WWTR1: variants seen among roughly 807,000 people sequenced by gnomAD.
The protein encoded by WWTR1 is WW domain containing transcription regulator 1, also known as WW domain-containing transcription regulator protein 1.
Under a neutral mutation model 40.1 loss-of-function variants are expected in WWTR1, and 13 were observed. The ratio of observed to expected loss-of-function variants is 0.32; its 90% confidence interval spans 0.21 to 0.52. WWTR1 has a LOEUF of 0.52. WWTR1 is among the 20% of genes least tolerant of loss of function. The pLI is 0.97. For missense variants in WWTR1, 436 were observed against 523.1 expected (o/e 0.83, Z 1.63); for synonymous variants, 230 against 210.1 (o/e 1.09, Z -0.82).
At chr3:149,719,011 A>G (rs1173741219) in intron 4 of WWTR1, among the ~76,000 whole-genome samples, 1 of 151,542 alleles carries the variant, frequency 6.6e-6, no homozygotes, top group African/African-American at 2.4e-5. Flanking sequence ...TTTTTGGTAG[A>G]GATGGGATTT....
chr3:149,643,160 C>T (rs192236881), intron 2 of WWTR1, among the ~76,000 whole-genome samples: 351 of 152,212 alleles, frequency 2.3e-3, no homozygotes, highest in Admixed American at 5.2e-3. Context: ...ACTGGCCTGG[C>T]GAACTTACTT....
chr3:149,523,085 A>C (rs57057434), intron 6 of WWTR1, among the ~76,000 whole-genome samples: 42,193 of 147,032 alleles, frequency 0.29, 6,713 homozygotes, highest in African/African-American at 0.45. Context: ...AAAAAAAATT[A>C]CTCTTATCCT....
At chr3:149,608,388 ATT>A (rs34313223) in intron 2 of WWTR1, among the ~76,000 whole-genome samples, 10 of 144,862 alleles carry the variant, frequency 6.9e-5, no homozygotes, top group Admixed American at 1.4e-4. Flanking sequence ...AAATATCTAA[ATT>A]TTTTTTTTTT....
intron 2 of WWTR1, among the ~76,000 whole-genome samples, chr3:149,641,513 A>C (rs1712169448): frequency 6.6e-6 from 1 of 152,202 alleles, no homozygotes; most frequent in Admixed American, 6.5e-5. Flanking sequence ...AATGGTTTTC[A>C]ACAATTAACT....
chr3:149,618,803 T>C (rs1740126804), intron 2 of WWTR1, among the ~76,000 whole-genome samples: 1 of 152,062 alleles, frequency 6.6e-6, no homozygotes, highest in Non-Finnish European at 1.5e-5. Flanking sequence ...CCTGGAAAGG[T>C]AAAGGAAGCT....
intron 2 of WWTR1, among the ~76,000 whole-genome samples, chr3:149,601,733 A>G (rs1419769098): frequency 6.6e-6 from 1 of 151,940 alleles, no homozygotes; most frequent in Non-Finnish European, 1.5e-5. Flanking sequence ...ACTTTTTAAA[A>G]TATTATATAA....
In WWTR1 at chr3:149,657,319, G is replaced by C; in HGVS notation, c.-3-10C>G. ...AGGCCGGATTCATCTTCTGCAAAAA[G>C]AAGGTCAGATCAGCCTTTTATTTAA... On this transcript the variant is annotated splice_polypyrimidine_tract_variant and intron_variant, in intron 1 of 6. Transcript: ENST00000360632. 6.2e-7 allele frequency: 1 copy of C among 1,603,386 alleles called. No individual in the cohort carries two copies. Among genetic ancestry groups the C allele is most frequent in the Non-Finnish European group, 8.5e-7 (1 of 1,174,248 alleles).
chr3:149,662,023 G>A (rs542591575), upstream of WWTR1, among the ~76,000 whole-genome samples: 6 of 152,076 alleles, frequency 3.9e-5, no homozygotes, highest in East Asian at 3.9e-4. Flanking sequence ...GAGCCACCTC[G>A]CCCGGCCAAA....
At chr3:149,546,370 G>A (rs1220074983) in intron 3 of WWTR1, among the ~76,000 whole-genome samples, 2 of 152,226 alleles carry the variant, frequency 1.3e-5, no homozygotes, top group Non-Finnish European at 2.9e-5. Context: ...ATCAGTGGGA[G>A]ATATGGTCCA....
chr3:149,672,126 A>G (rs1221107522), intron 1 of WWTR1, among the ~76,000 whole-genome samples: 4 of 152,084 alleles, frequency 2.6e-5, no homozygotes, highest in Admixed American at 2.6e-4. Context: ...AAGGCTACAA[A>G]AAAACAAAAA....
At chr3:149,591,827 T>C (rs1738737587) in intron 2 of WWTR1, among the ~76,000 whole-genome samples, 2 of 152,160 alleles carry the variant, frequency 1.3e-5, no homozygotes, top group Admixed American at 6.5e-5. Flanking sequence ...AATATATTAA[T>C]ACAAAAGTGC....
chr3:149,631,252 A>G (rs184849013), intron 2 of WWTR1, among the ~76,000 whole-genome samples: 1 of 152,364 alleles, frequency 6.6e-6, no homozygotes, highest in Admixed American at 6.5e-5. Flanking sequence ...TTCTCTCAAA[A>G]GATCCACTAT....
At chr3:149,648,461 A>G (rs1018972602) in intron 2 of WWTR1, among the ~76,000 whole-genome samples, 6 of 152,130 alleles carry the variant, frequency 3.9e-5, no homozygotes, top group African/African-American at 1.4e-4. Flanking sequence ...AAACAGTAAT[A>G]TGAGAGTGGA....
chr3:149,678,900 G>A (rs996550819), intron 1 of WWTR1, among the ~76,000 whole-genome samples: 13 of 150,246 alleles, frequency 8.7e-5, no homozygotes, highest in African/African-American at 1.7e-4. Flanking sequence ...GCGTGATCTC[G>A]GCTCACTGCA....
At chr3:149,674,282 A>T (rs567934246) in intron 1 of WWTR1, among the ~76,000 whole-genome samples, 47 of 151,528 alleles carry the variant, frequency 3.1e-4, no homozygotes, top group Admixed American at 1.2e-3. Context: ...TTTCTCTCTC[A>T]CACACACACA....
rs61655468 is a variant in WWTR1 at position 149,585,121 on chromosome 3, CGT to C, written c.432-12123_432-12122del. 9.1e-3 allele frequency among the ~76,000 whole-genome samples: 1,308 copies of C among 144,312 alleles called. 13 individuals carry two copies. The highest frequency in any genetic ancestry group is 0.022 in the African/African-American group (857 of 39,246). 94.7% of individuals were successfully genotyped at this position (144,312 alleles called of 152,430 possible). ...AACTACAGATATACTTGATTTCTTT[CGT>C]GTGTGTGTGTGTGTGTGTGTGTGTG... is the stretch of plus-strand genomic sequence containing the variant. On this transcript the variant is annotated intron_variant, in intron 2 of 6. Transcript: ENST00000360632.
chr3:149,703,233 C>T (rs983331815), exon 1 of WWTR1: 6 of 152,256 alleles, frequency 3.9e-5, no homozygotes, highest in African/African-American at 1.2e-4. Context: ...CAATATAAGG[C>T]CTTGTGTTTG....
intron 2 of WWTR1, among the ~76,000 whole-genome samples, chr3:149,651,992 A>ATTTTTTTT (rs368845286): frequency 2.9e-4 from 27 of 93,710 alleles, no homozygotes; most frequent in East Asian, 3.7e-4. Flanking sequence ...CGCCCGGCTA[A>ATTTTTTTT]TTTTTTTTTT....
In WWTR1 at chr3:149,518,357, C is replaced by T. The variant is rs1458162321; in HGVS notation, c.*2448G>A. ...TTAAAAAAGAGGGGTATCTGTTTCT[C>T]TTACATTTAATAACCTGAAAATGAG... On this transcript the variant is annotated 3_prime_UTR_variant, in exon 7 of 7. Coordinates refer to ENST00000360632, the MANE Select transcript of WWTR1 (RefSeq NM_015472.6). 1.3e-5 allele frequency: 2 copies of T among 152,038 alleles called. No individual in the cohort carries two copies. The highest frequency in any genetic ancestry group is 3.9e-4 in the East Asian group (2 of 5,182). 9.4% of individuals were successfully genotyped at this position (152,038 alleles called of 1,614,324 possible).
Sources: gnomAD v4.1 joint callset for allele counts (sites outside exome capture counted in the v4.1 genomes callset) on GRCh38, gnomAD v4.1.1 for gene constraint, MANE v1.5 for transcripts, NCBI Gene and HGNC (gene_info 2026-07-23, HGNC 2026-07-21) for gene names.